The following TFEC variants were observed in gnomAD, a reference collection of about 807,000 sequenced individuals.
TFEC encodes transcription factor EC.
TFEC carries 31 observed loss-of-function variants against 41.6 expected under a neutral mutation model. The ratio of observed to expected loss-of-function variants is 0.74; its 90% CI spans 0.56 to 1.01. TFEC has a LOEUF of 1.01. TFEC is among the 50% of genes least tolerant of loss of function. The pLI is 0.00. For synonymous variants in TFEC, 143 were observed against 140.6 expected (o/e 1.02, Z -0.12); for missense variants, 402 against 404.1 (o/e 0.99, Z 0.04).
intron 3 of TFEC, among the ~76,000 whole-genome samples, chr7:116,073,676 A>C (rs1796884055): frequency 6.6e-6 from 1 of 151,980 alleles, no homozygotes; most frequent in Admixed American, 6.6e-5. Flanking sequence ...GAATAGCCAA[A>C]CAAGTCTTGA....
chr7:116,080,976 AGTGTGTGTGTGTGTGT>A (rs60317630), intron 3 of TFEC, among the ~76,000 whole-genome samples: 38 of 138,016 alleles, frequency 2.8e-4, no homozygotes, highest in Non-Finnish European at 3.0e-4. Flanking sequence ...AAGAAAATGT[AGTGTGTGTGTGTGTGT>A]GTGTGTGTGT....
At position 115,939,883 on chromosome 7, in the gene TFEC, T is replaced by A. The variant is rs1327633045; in HGVS notation, c.*668A>T. On this transcript the variant is annotated 3_prime_UTR_variant, in exon 8 of 8. Coordinates refer to ENST00000265440, the MANE Select transcript of TFEC (RefSeq NM_012252.4). The stretch of plus-strand genomic sequence containing the variant: ...GACTGGAGATATAAATATGCATGGA[T>A]GCTTTTAGAATTAGTGTAATTGAAC... 1 of 152,064 alleles carries A rather than the reference T, an allele frequency of 6.6e-6. No homozygotes were observed. Among genetic ancestry groups the A allele is most frequent in the East Asian group, 1.9e-4 (1 of 5,166 alleles). The allele number at this position is 152,064 out of a possible 1,614,324, so 9.4% of individuals were successfully genotyped here. A position where few individuals can be genotyped will look rare whatever the true frequency, so the allele number is the denominator to read the frequency against.
At chr7:115,946,734 G>A (rs936170542) in intron 6 of TFEC, among the ~76,000 whole-genome samples, 30 of 133,402 alleles carry the variant, frequency 2.2e-4, no homozygotes, top group Admixed American at 3.3e-4. Context: ...TTTAGAGGTC[G>A]GATCACACCC....
chr7:115,977,924 C>T (rs913635222), intron 2 of TFEC, among the ~76,000 whole-genome samples: 39 of 151,524 alleles, frequency 2.6e-4, no homozygotes, highest in African/African-American at 9.2e-4. Context: ...AATGATGACT[C>T]TTAAAATATT....
rs186062020 is a variant in TFEC, at chr7:116,141,279, C to T, written c.-69+18511G>A. Among the ~76,000 whole-genome samples the T allele has an allele frequency of 3.2e-3, 493 of 152,170 alleles. 3 individuals carry two copies. The highest frequency in any genetic ancestry group is 0.012 in the African/African-American group (479 of 41,520). Reference sequence around the variant, plus strand: ...CTAGAACTGTGAAAAGGAGCTGGAACAATTTAAATTAATATATTCTCATGA... The same window carrying T: ...CTAGAACTGTGAAAAGGAGCTGGAATAATTTAAATTAATATATTCTCATGA... On this transcript the variant is annotated intron_variant, in intron 1 of 8. Coordinates refer to the TFEC transcript ENST00000484212.
intron 6 of TFEC, among the ~76,000 whole-genome samples, chr7:115,946,690 TTTCTC>T (rs1791589434): frequency 6.6e-6 from 1 of 150,658 alleles, no homozygotes; most frequent in Non-Finnish European, 1.5e-5. Flanking sequence ...TCTTTTTTCT[TTTCTC>T]TTCTTTTCTT....
intron 6 of TFEC, among the ~76,000 whole-genome samples, chr7:115,948,557 T>C (rs1791741647): frequency 1.3e-5 from 2 of 152,114 alleles, no homozygotes; most frequent in Non-Finnish European, 2.9e-5. Context: ...TGCAAATCAA[T>C]AAATGTAATC....
intron 3 of TFEC, among the ~76,000 whole-genome samples, chr7:116,106,233 C>T (rs1031685625): frequency 1.3e-5 from 2 of 152,118 alleles, no homozygotes; most frequent in African/African-American, 4.8e-5. Flanking sequence ...TGTTGAAACA[C>T]ATTACAAGGT....
At chr7:116,113,857 A>C (rs1490945898) in intron 1 of TFEC, among the ~76,000 whole-genome samples, 1 of 152,014 alleles carries the variant, frequency 6.6e-6, no homozygotes, top group Non-Finnish European at 1.5e-5. Flanking sequence ...TCTATCATTT[A>C]AGGCCCTTTA....
chr7:116,153,447 T>A (rs1244868762), intron 1 of TFEC, among the ~76,000 whole-genome samples: 6 of 151,724 alleles, frequency 4.0e-5, no homozygotes, highest in Admixed American at 2.0e-4. Flanking sequence ...TAGAGACGGG[T>A]TTTTACCGTG....
At chr7:116,105,650 G>A (rs1188583782) in intron 3 of TFEC, among the ~76,000 whole-genome samples, 4 of 151,936 alleles carry the variant, frequency 2.6e-5, no homozygotes, top group East Asian at 3.9e-4. Flanking sequence ...ACTCAGCAGC[G>A]CAAGCCAGCA....
At chr7:116,014,045 C>T (rs773658672) in intron 1 of TFEC, among the ~76,000 whole-genome samples, 3 of 152,110 alleles carry the variant, frequency 2.0e-5, no homozygotes, top group African/African-American at 7.2e-5. Flanking sequence ...TAAATATACA[C>T]TGAACAGACC....
At chr7:116,043,683 A>T (rs1796092656) in intron 3 of TFEC, among the ~76,000 whole-genome samples, 1 of 152,214 alleles carries the variant, frequency 6.6e-6, no homozygotes, top group Non-Finnish European at 1.5e-5. Flanking sequence ...CAGGAAGAAA[A>T]GGAAAAGAAA....
Position 115,950,935 on chromosome 7 carries a change from T to G in TFEC, c.454A>C (p.Arg152=), listed in dbSNP as rs776809361. The part of the protein sequence containing the change: ...DNHNLIERRR[R]YNINYRIKEL... Reference sequence around the variant, plus strand: ...TTGATTCGGTAATTAATATTATACCTTCTTCTTCTTTCAACTATTAAAGAA... The same window carrying G: ...TTGATTCGGTAATTAATATTATACCGTCTTCTTCTTTCAACTATTAAAGAA... The change falls in exon 6 of 8, where the codon AGG becomes CGG. Residue 152 remains arginine, a synonymous_variant. Transcript: ENST00000265440. 6.3e-7 allele frequency: 1 copy of G among 1,585,448 alleles called. No homozygotes were observed. The highest frequency in any genetic ancestry group is 1.1e-5 in the South Asian group (1 of 88,232).
intron 1 of TFEC, among the ~76,000 whole-genome samples, chr7:116,133,235 C>T (rs1001419272): frequency 2.9e-5 from 4 of 139,796 alleles, no homozygotes; most frequent in African/African-American, 8.4e-5. Flanking sequence ...ATGTACCAAA[C>T]GAAAATAATT....
intron 1 of TFEC, among the ~76,000 whole-genome samples, chr7:116,019,497 C>G (rs886624144): frequency 6.6e-6 from 1 of 152,112 alleles, no homozygotes; most frequent in African/African-American, 2.4e-5. Context: ...TAACTTTAAG[C>G]GCAATGTTTT....
chr7:115,950,816 A>T, intron 6 of TFEC, 58 bp downstream of exon 6: 1 of 1,347,874 alleles, frequency 7.4e-7, no homozygotes, highest in South Asian at 1.4e-5. Context: ...CTTCCCTCCC[A>T]TTCATTTTGG....
intron 3 of TFEC, chr7:115,968,425 G>T (rs1792973639): frequency 2.5e-6 from 2 of 787,440 alleles, no homozygotes; most frequent in South Asian, 3.5e-5. Flanking sequence ...AAGCACAGGG[G>T]GTTGTTAATA....
intron 3 of TFEC, among the ~76,000 whole-genome samples, chr7:116,068,014 C>T (rs928543310): frequency 2.0e-5 from 3 of 151,414 alleles, no homozygotes; most frequent in Non-Finnish European, 4.4e-5. Flanking sequence ...ATATCTAAGA[C>T]ATTTGAAAAA....
Sources: allele counts gnomAD v4.1 joint callset (sites outside exome capture counted in the v4.1 genomes callset), GRCh38; gene constraint gnomAD v4.1.1; transcripts MANE v1.5; gene names NCBI Gene and HGNC (gene_info 2026-07-23, HGNC 2026-07-21).